NVL: variants seen among roughly 807,000 people sequenced by gnomAD.
The protein encoded by NVL is nuclear valosin-containing protein-like.
Under a neutral mutation model 110.2 loss-of-function variants are expected in NVL, and 84 were observed. The ratio of observed to expected loss-of-function variants is 0.76; its 90% CI spans 0.64 to 0.91. The LOEUF (loss-of-function observed/expected upper bound fraction) is 0.91, where lower values mean the gene tolerates loss of function less well. Among genes scored for constraint, NVL ranks in the 40% least tolerant of loss-of-function variants. The pLI is 0.00. For missense variants in NVL, 882 were observed against 1,035.9 expected (o/e 0.85, Z 2.04); for synonymous variants, 354 against 361.1 (o/e 0.98, Z 0.22).
intron 2 of NVL, among the ~76,000 whole-genome samples, chr1:224,322,491 CTCT>C (rs918609621): frequency 1.2e-4 from 19 of 152,068 alleles, no homozygotes; most frequent in Non-Finnish European, 2.5e-4. Flanking sequence ...GTCTTAGTTT[CTCT>C]TCTTTTCTTC....
In NVL at chr1:224,304,741, A is replaced by C; in HGVS notation, c.820T>G (p.Leu274Val). Residue 274 changes from leucine (L) to valine (V), a missense_variant, in exon 8 of 23, where the codon TTA (leucine) becomes GTA (valine). Physicochemically the swap from Leu to Val is conservative, Grantham distance 32. Coordinates refer to ENST00000281701, the MANE Select transcript of NVL (RefSeq NM_002533.4). ...AATTCAGAATTTGCACTAACTTTTA[A>C]TGTCATATCATTGCCTCCCACATCT... ...FEDVGGNDMT[L>V]KEVCKMLIHM... is the part of the protein sequence containing the mutation. 2.5e-6 allele frequency: 4 copies of C among 1,613,364 alleles called. No homozygotes were observed. Among genetic ancestry groups the C allele is most frequent in the Non-Finnish European group, 3.4e-6 (4 of 1,179,338 alleles).
intron 5 of NVL, among the ~76,000 whole-genome samples, chr1:224,308,878 G>A (rs1669220011): frequency 6.6e-6 from 1 of 151,686 alleles, no homozygotes; most frequent in Non-Finnish European, 1.5e-5. Context: ...TGGCTAACAC[G>A]GTGAAACCCT....
At chr1:224,288,577 G>GT (rs1297360643) in intron 13 of NVL, among the ~76,000 whole-genome samples, 1 of 152,122 alleles carries the variant, frequency 6.6e-6, no homozygotes, top group Non-Finnish European at 1.5e-5. Context: ...AAAGGAATGA[G>GT]TTTGTTATTT....
intron 18 of NVL, among the ~76,000 whole-genome samples, chr1:224,253,146 A>G (rs1193077387): frequency 6.6e-6 from 1 of 151,830 alleles, no homozygotes; most frequent in Non-Finnish European, 1.5e-5. Flanking sequence ...CCTGGGTTCA[A>G]GCAGTTCTCT....
rs1361309285 is a variant in NVL at position 224,294,305 on chromosome 1, T to C, written c.1287A>G (p.Glu429=). The C allele has an allele frequency of 6.2e-7, 1 of 1,614,042 alleles. No homozygotes were observed. The highest frequency in any genetic ancestry group is 8.5e-7 in the Non-Finnish European group (1 of 1,180,046). ...CTTCATCTGGGATACCTAGGCATAT[T>C]TCTCGGTCGAACCTTCCCGCACGTC... is the stretch of plus-strand genomic sequence containing the variant. ...ALRRAGRFDR[E]ICLGIPDEAS... The change falls in exon 12 of 23, where the codon GAA becomes GAG. Residue 429 remains glutamate (E), a synonymous_variant. Coordinates refer to ENST00000281701, the MANE Select transcript of NVL (RefSeq NM_002533.4).
intron 15 of NVL, among the ~76,000 whole-genome samples, chr1:224,283,915 T>C (rs762280459): frequency 5.3e-5 from 8 of 152,202 alleles, no homozygotes; most frequent in Non-Finnish European, 1.2e-4. Context: ...TAAAAGTAAG[T>C]TTTACACACA....
At position 224,242,593 on chromosome 1, in the gene NVL, G is replaced by A. The variant is rs532156758; in HGVS notation, c.2290-6011C>T. On this transcript the variant is annotated intron_variant, in intron 19 of 22. Transcript: ENST00000281701. ...AGCGATTCTCCTGCCTCAGCCTTCC[G>A]AGTAGCTGGGACTACAGGTGCACGC... 1.0e-4 allele frequency among the ~76,000 whole-genome samples: 15 copies of A among 144,330 alleles called. 1 individual carries two copies. The highest frequency in any genetic ancestry group is 2.3e-4 in the African/African-American group (9 of 38,976). 94.7% of individuals were successfully genotyped at this position (144,330 alleles called of 152,430 possible).
intron 18 of NVL, among the ~76,000 whole-genome samples, chr1:224,250,852 T>C (rs1413162492): frequency 2.0e-5 from 3 of 152,194 alleles, no homozygotes; most frequent in African/African-American, 7.2e-5. Context: ...AGACAGGATT[T>C]CGCTATGTTG....
intron 4 of NVL, among the ~76,000 whole-genome samples, chr1:224,316,536 G>C (rs1018471185): frequency 7.0e-6 from 1 of 142,020 alleles, no homozygotes; most frequent in African/African-American, 2.6e-5. Context: ...AAATTAGCTA[G>C]GTGTGGTAGC....
At position 224,294,339 on chromosome 1, in the gene NVL, G is replaced by A; in HGVS notation, c.1253C>T (p.Pro418Leu). ...GATNRPDSLD[P>L]ALRRAGRFDR... The stretch of plus-strand genomic sequence containing the variant: ...GAACCTTCCCGCACGTCTCAAAGCA[G>A]GGTCTAACGAGTCTGGTCGATTAGT... The change falls in exon 12 of 23, where the codon CCT becomes CTT. Residue 418 changes from proline (P) to leucine (L), a missense_variant. Transcript: ENST00000281701. 6.2e-7 allele frequency: 1 copy of A among 1,614,122 alleles called. No homozygotes were observed. The highest frequency in any genetic ancestry group is 8.5e-7 in the Non-Finnish European group (1 of 1,180,040).
chr1:224,276,245 A>ATTC (rs1665745712), intron 16 of NVL, among the ~76,000 whole-genome samples: 2 of 151,976 alleles, frequency 1.3e-5, no homozygotes, highest in South Asian at 4.2e-4. Flanking sequence ...TATTATTATT[A>ATTC]TTTTTGTTTT....
chr1:224,282,788 G>A (rs1666496712), intron 15 of NVL, among the ~76,000 whole-genome samples: 1 of 152,132 alleles, frequency 6.6e-6, no homozygotes, highest in Admixed American at 6.5e-5. Context: ...TCCAACTCCA[G>A]TAACTGCATG....
At chr1:224,315,423 G>C (rs1178408379) in intron 4 of NVL, among the ~76,000 whole-genome samples, 1 of 152,126 alleles carries the variant, frequency 6.6e-6, no homozygotes, top group African/African-American at 2.4e-5. Flanking sequence ...ATGCAGAAAA[G>C]CATTTGACAA....
chr1:224,242,066 T>A (rs1049636450), intron 19 of NVL, among the ~76,000 whole-genome samples: 1 of 151,834 alleles, frequency 6.6e-6, no homozygotes, highest in African/African-American at 2.4e-5. Context: ...ACAAATATTG[T>A]ATGATTCTAC....
intron 18 of NVL, chr1:224,256,896 T>TC (rs1663325620): frequency 4.8e-6 from 2 of 414,126 alleles, no homozygotes; most frequent in Admixed American, 7.7e-5. Context: ...GCAAATCAGG[T>TC]CAACCCTATG....
At chr1:224,295,280 C>A (rs1264934610) in intron 11 of NVL, among the ~76,000 whole-genome samples, 1 of 152,086 alleles carries the variant, frequency 6.6e-6, no homozygotes, top group East Asian at 1.9e-4. Context: ...GCAAGCTCTG[C>A]CTCCCAGGTT....
chr1:224,295,224 G>A (rs1025781763), intron 11 of NVL, among the ~76,000 whole-genome samples: 1 of 150,928 alleles, frequency 6.6e-6, no homozygotes, highest in Non-Finnish European at 1.5e-5. Context: ...ACGGAGTCTC[G>A]CTCTGTCGCC....
intron 4 of NVL, among the ~76,000 whole-genome samples, chr1:224,316,691 A>C (rs1415354534): frequency 6.6e-6 from 1 of 151,466 alleles, no homozygotes; most frequent in Non-Finnish European, 1.5e-5. Flanking sequence ...AAAAGAAAAA[A>C]GTTTGCCTAG....
At chr1:224,325,176 C>T (rs1452156122) in intron 2 of NVL, among the ~76,000 whole-genome samples, 1 of 151,280 alleles carries the variant, frequency 6.6e-6, no homozygotes, top group Non-Finnish European at 1.5e-5. Context: ...GCAGGAGAAT[C>T]GCTTAAACCC....
Sources: gnomAD v4.1 joint callset for allele counts (sites outside exome capture counted in the v4.1 genomes callset) on GRCh38, gnomAD v4.1.1 for gene constraint, MANE v1.5 for transcripts, NCBI Gene and HGNC (gene_info 2026-07-23, HGNC 2026-07-21) for gene names.